The following CWC25 variants were observed in gnomAD, a reference collection of about 807,000 sequenced individuals.
The protein encoded by CWC25 is CWC25 spliceosome associated protein.
In CWC25, 31 loss-of-function variants were observed where a neutral mutation model predicts 54.6. The observed-to-expected ratio is 0.57, with a 90% CI of 0.43 to 0.77. The LOEUF is 0.77. CWC25 is among the 30% of genes least tolerant of loss of function. The pLI, the probability that CWC25 is intolerant of heterozygous loss-of-function variation, is 0.00. For synonymous variants in CWC25, 151 were observed against 187.0 expected (o/e 0.81, Z 1.57); for missense variants, 453 against 529.3 (o/e 0.86, Z 1.41).
chr17:38,809,765 T>A lies in CWC25; in HGVS notation c.627A>T (p.Arg209Ser), dbSNP rs773405345. The change falls in exon 6 of 10, where the codon AGA becomes AGT. Residue 209 changes from arginine (R) to serine (S), a missense_variant and splice_region_variant. By Grantham distance (110) the Arg-to-Ser change is moderately radical (BLOSUM62 -1). Transcript: ENST00000614790. ...SSSEDEHSAG[R>S]SQKKMANSSP... ...AGGAATTTGCCATCTTCTTCTGTGATCTAAGAGATCAAAATACACACACTC... is the reference window on the plus strand; with the variant it reads ...AGGAATTTGCCATCTTCTTCTGTGAACTAAGAGATCAAAATACACACACTC... 6.2e-7 allele frequency: 1 copy of A among 1,613,740 alleles called. No homozygotes were observed. The highest frequency in any genetic ancestry group is 1.3e-5 in the African/African-American group (1 of 75,046).
chr17:38,805,364 T>C (rs751522755), intron 8 of CWC25, among the ~76,000 whole-genome samples: 5 of 152,198 alleles, frequency 3.3e-5, no homozygotes, highest in African/African-American at 4.8e-5. Flanking sequence ...TTTAGGAATA[T>C]GTAGCTATGA....
At position 38,807,079 on chromosome 17, in the gene CWC25, T is replaced by C. The variant is rs555962691; in HGVS notation, c.691-103A>G. ...GCTCACGCCTGTAATCCCAGCACTT[T>C]GGGAGGCCGAGGCGGGGGGGATCAC... On this transcript the variant is annotated intron_variant, in intron 6 of 9. Transcript: ENST00000614790. 8.2e-4 allele frequency: 699 copies of C among 854,066 alleles called. 2 individuals are homozygous for C. The highest frequency in any genetic ancestry group is 1.0e-3 in the Non-Finnish European group (564 of 558,952). 52.9% of individuals were successfully genotyped at this position (854,066 alleles called of 1,614,324 possible).
chr17:38,821,334 G>C (rs897055404), intron 1 of CWC25, among the ~76,000 whole-genome samples: 1 of 152,116 alleles, frequency 6.6e-6, no homozygotes, highest in Non-Finnish European at 1.5e-5. Flanking sequence ...GCGGAGGCGG[G>C]AAGATCACTT....
chr17:38,811,911 A>C (rs1239029061), intron 4 of CWC25, among the ~76,000 whole-genome samples: 1 of 152,010 alleles, frequency 6.6e-6, no homozygotes, highest in Non-Finnish European at 1.5e-5. Context: ...ATAATATGTC[A>C]TGTGAATGGT....
intron 2 of CWC25, among the ~76,000 whole-genome samples, chr17:38,818,526 A>G (rs919915119): frequency 7.9e-6 from 1 of 126,898 alleles, no homozygotes; most frequent in African/African-American, 2.9e-5. Context: ...CGGGAGGCGG[A>G]GCTTGCAGTG....
At position 38,809,782 on chromosome 17, in the gene CWC25, C is replaced by T. The variant is rs762837264; in HGVS notation, c.627-17G>A. 12 of 1,610,036 alleles carry T rather than the reference C, an allele frequency of 7.5e-6. No homozygotes were observed. Among genetic ancestry groups the T allele is most frequent in the African/African-American group, 6.7e-5 (5 of 74,822 alleles). ...TTCTGTGATCTAAGAGATCAAAATACACACACTCATTGAAAAAGAAAATAT... is the reference window on the plus strand; with the variant it reads ...TTCTGTGATCTAAGAGATCAAAATATACACACTCATTGAAAAAGAAAATAT... On this transcript the variant is annotated splice_polypyrimidine_tract_variant and intron_variant, in intron 5 of 9. Transcript: ENST00000614790.
At chr17:38,807,148 C>A (rs1287243138) in intron 6 of CWC25, among the ~76,000 whole-genome samples, 172 bp from the exon 7 acceptor site, 1 of 151,796 alleles carries the variant, frequency 6.6e-6, no homozygotes, top group Non-Finnish European at 1.5e-5. Context: ...CATGGTGAAA[C>A]CCTGTCTCTA....
chr17:38,817,202 T>G (rs1056862612), intron 2 of CWC25, among the ~76,000 whole-genome samples: 2 of 146,590 alleles, frequency 1.4e-5, no homozygotes, highest in African/African-American at 2.5e-5. Context: ...TAGCCAGGCG[T>G]GGTGGTACAC....
At chr17:38,816,017 G>A (rs1911683832) in intron 2 of CWC25, among the ~76,000 whole-genome samples, 1 of 152,064 alleles carries the variant, frequency 6.6e-6, no homozygotes, top group Non-Finnish European at 1.5e-5. Context: ...AGCCATCTAG[G>A]GGCCAAATTA....
At chr17:38,820,219 GC>G (rs1911869001) in intron 2 of CWC25, among the ~76,000 whole-genome samples, 1 of 152,108 alleles carries the variant, frequency 6.6e-6, no homozygotes, top group African/African-American at 2.4e-5. Flanking sequence ...ATGAACCACC[GC>G]ACCTAGTCCC....
chr17:38,804,153 T>C (rs969394605), intron 8 of CWC25, among the ~76,000 whole-genome samples: 1 of 152,066 alleles, frequency 6.6e-6, no homozygotes. Flanking sequence ...AATATACAAA[T>C]CATACAAGAA....
At position 38,802,200 on chromosome 17, in the gene CWC25, C is replaced by T; in HGVS notation, c.1170G>A (p.Met390Ile). ...AGGAAGTAGATGCACTCTCCAGCTT[C>T]ATGCGGCTAGGAAGAGAAGACAGGC... is the stretch of plus-strand genomic sequence containing the variant. ...DSRDGKFIHR[M>I]KLESASTSSL... Residue 390 changes from methionine to isoleucine, a missense_variant, in exon 10 of 10, where the codon ATG (methionine) becomes ATA (isoleucine). By Grantham distance (10) the Met-to-Ile change is conservative. Around this residue, in one of 2 missense-constraint regions of CWC25, gnomAD observed 444 missense variants for 499.2 expected, o/e 0.89. Coordinates refer to ENST00000614790, the MANE Select transcript of CWC25 (RefSeq NM_017748.5). 1 of 1,611,110 alleles carries T rather than the reference C, an allele frequency of 6.2e-7. No individual in the cohort carries two copies. The highest frequency in any genetic ancestry group is 8.5e-7 in the Non-Finnish European group (1 of 1,177,682).
In CWC25 at chr17:38,814,986, CTCCATCTTCTCA is replaced by C. The variant is rs1911640822; in HGVS notation, c.291_302del (p.Phe97_Glu101delinsLeu). 6.2e-7 allele frequency: 1 copy of C among 1,613,752 alleles called. No homozygotes were observed. The highest frequency in any genetic ancestry group is 1.7e-5 in the Admixed American group (1 of 59,956). ...CAGAAGAGCAGCCTGCCTCCTTCTCCTCCATCTTCTCAAAAACATATTTGTCAATGGGGCGCC... is the reference window on the plus strand; with the variant it reads ...CAGAAGAGCAGCCTGCCTCCTTCTCCAAAACATATTTGTCAATGGGGCGCC... On this transcript the variant is annotated inframe_deletion, in exon 3 of 10. Coordinates refer to ENST00000614790, the MANE Select transcript of CWC25 (RefSeq NM_017748.5).
At chr17:38,819,017 A>ATTTG (rs1362878897) in intron 2 of CWC25, among the ~76,000 whole-genome samples, 1 of 150,398 alleles carries the variant, frequency 6.6e-6, no homozygotes. Flanking sequence ...ATTTTTACTT[A>ATTTG]TTTATTTATT....
Position 38,802,838 on chromosome 17 carries a change from T to C in CWC25, c.1025A>G (p.Glu342Gly). Residue 342 changes from glutamate (E) to glycine (G), a missense_variant, in exon 9 of 10, where the codon GAG becomes GGG. Physicochemically the swap from Glu to Gly is moderately conservative, Grantham distance 98. Around this residue, in one of 2 missense-constraint regions of CWC25, gnomAD observed 444 missense variants for 499.2 expected, o/e 0.89. Coordinates refer to ENST00000614790, the MANE Select transcript of CWC25 (RefSeq NM_017748.5). The stretch of plus-strand genomic sequence containing the variant: ...TTCCATCATCTCTTGCCGTTTTCGC[T>C]CTAATTCCTCTGCAGAGAGTTTTCT... ...YTRKLSAEEL[E>G]RKRQEMMENA... 1 of 1,613,952 alleles carries C rather than the reference T, an allele frequency of 6.2e-7. No individual in the cohort carries two copies. Among genetic ancestry groups the C allele is most frequent in the Non-Finnish European group, 8.5e-7 (1 of 1,179,880 alleles).
At chr17:38,802,284 G>T in intron 9 of CWC25, 78 bp from the exon 10 acceptor site, 1 of 982,270 alleles carries the variant, frequency 1.0e-6, no homozygotes, top group Non-Finnish European at 1.6e-6. Flanking sequence ...CAGAAGAAAT[G>T]GGTTGTTAGC....
At chr17:38,821,500 G>A (rs1271345786) in intron 1 of CWC25, among the ~76,000 whole-genome samples, 3 of 152,096 alleles carry the variant, frequency 2.0e-5, no homozygotes, top group Non-Finnish European at 4.4e-5. Flanking sequence ...CGGAGGTTGC[G>A]GTGAGCCGAA....
In CWC25 at chr17:38,810,543, T is replaced by C. The variant is rs761732283; in HGVS notation, c.551A>G (p.Lys184Arg). Residue 184 changes from lysine to arginine, a missense_variant, in exon 5 of 10, where the codon AAG (lysine) becomes AGG (arginine). Lys to Arg is a conservative substitution (Grantham distance 26). Around this residue, in one of 2 missense-constraint regions of CWC25, gnomAD observed 444 missense variants for 499.2 expected, o/e 0.89. Transcript: ENST00000614790. Reference sequence around the variant, plus strand: ...TCTGTGCTTATGTTTCTTGTGCTTCTTTTTCTTCTCCTTCTTTTTCTTCTT... The same window carrying C: ...TCTGTGCTTATGTTTCTTGTGCTTCCTTTTCTTCTCCTTCTTTTTCTTCTT... Reference protein sequence around the residue: ...KEKKKKKEKKKKHKKHKHRSS... With the variant: ...KEKKKKKEKKRKHKKHKHRSS... 1.1e-5 allele frequency: 17 copies of C among 1,594,178 alleles called. No individual in the cohort carries two copies. The Admixed American group carries it at 1.2e-4, about 11-fold the overall frequency.
chr17:38,808,677 A>G (rs1174823461), intron 6 of CWC25, among the ~76,000 whole-genome samples: 3 of 150,070 alleles, frequency 2.0e-5, no homozygotes, highest in African/African-American at 7.3e-5. Flanking sequence ...GCTACTCAGG[A>G]GGCTGAGGCA....
Sources: gnomAD v4.1 joint callset for allele counts (sites outside exome capture counted in the v4.1 genomes callset) on GRCh38, gnomAD v4.1.1 for gene constraint, gnomAD v4.1.1 regional missense constraint, MANE v1.5 for transcripts, NCBI Gene and HGNC (gene_info 2026-07-23, HGNC 2026-07-21) for gene names.